ERCC4: variants seen among roughly 807,000 people sequenced by gnomAD.
The protein encoded by ERCC4 is DNA repair endonuclease XPF.
In ERCC4, 65 loss-of-function variants were observed where a neutral mutation model predicts 76.9. The ratio of observed to expected loss-of-function variants is 0.84; its 90% CI spans 0.69 to 1.04. The LOEUF (loss-of-function observed/expected upper bound fraction) is 1.04. Among genes scored for constraint, ERCC4 ranks in the 50% least tolerant of loss-of-function variants. The probability of loss-of-function intolerance (pLI) is 0.00; values close to 1 mark genes in which losing one functional copy is unlikely to be tolerated. For synonymous variants in ERCC4, 463 were observed against 410.1 expected, an observed-to-expected ratio of 1.13 and a Z score of -1.56; for missense variants, 1,214 against 1,128.2, an observed-to-expected ratio of 1.08 and a Z score of -1.09.
At chr16:13,943,068 C>T (rs1275962244) in intron 9 of ERCC4, among the ~76,000 whole-genome samples, 1 of 152,140 alleles carries the variant, frequency 6.6e-6, no homozygotes, top group Admixed American at 6.6e-5. Context: ...TTGTGATCTA[C>T]TTATAAAATT....
At chr16:13,937,294 G>A (rs1222498414) in intron 8 of ERCC4, among the ~76,000 whole-genome samples, 1 of 151,878 alleles carries the variant, frequency 6.6e-6, no homozygotes, top group Non-Finnish European at 1.5e-5. Context: ...CGTCTTCCAT[G>A]CCCATGTATT....
At chr16:13,934,757 T>C (rs1485094479) in intron 7 of ERCC4, 1 of 234,584 alleles carries the variant, frequency 4.3e-6, no homozygotes, top group Non-Finnish European at 8.4e-6. Context: ...CGGTACAAAC[T>C]GAAGACATTG....
chr16:13,936,145 G>T (rs2032287817), intron 8 of ERCC4, among the ~76,000 whole-genome samples: 1 of 152,114 alleles, frequency 6.6e-6, no homozygotes, highest in Admixed American at 6.5e-5. Flanking sequence ...TTTAAGAAAT[G>T]ACTCTAAATT....
chr16:13,933,065 A>T, intron 6 of ERCC4: 1 of 414,278 alleles, frequency 2.4e-6, no homozygotes, highest in East Asian at 7.6e-5. Flanking sequence ...AAAAAAAAAA[A>T]AACACAAAAA....
chr16:13,935,358 G>A lies in ERCC4; in HGVS notation c.1426G>A (p.Glu476Lys). 1 of 1,609,186 alleles carries A rather than the reference G, an allele frequency of 6.2e-7. No individual in the cohort carries two copies. The highest frequency in any genetic ancestry group is 8.5e-7 in the Non-Finnish European group (1 of 1,178,906). Residue 476 changes from glutamate to lysine, a missense_variant, in exon 8 of 11, where the codon GAA becomes AAA. By Grantham distance (56) the Glu-to-Lys change is moderately conservative (BLOSUM62 1). Coordinates refer to ENST00000311895, the MANE Select transcript of ERCC4 (RefSeq NM_005236.3). ...HKRPKDPQNK[E>K]RASTKERTLK... ...AAGACCTAAAGACCCCCAAAACAAA[G>A]AACGGGCTTCTACCAAAGAAAGAAC...
chr16:13,926,527 G>C, intron 2 of ERCC4, 34 bp from the exon 3 acceptor site: 1 of 1,571,604 alleles, frequency 6.4e-7, no homozygotes, highest in East Asian at 2.2e-5. Flanking sequence ...TTACCTACCT[G>C]TTCTGTAGTT....
chr16:13,949,423 G>GAA lies in ERCC4; in HGVS notation c.*1078_*1079dup, dbSNP rs1173434771. 4.3e-6 allele frequency: 1 copy of GAA among 232,950 alleles called. No individual in the cohort carries two copies. The highest frequency in any genetic ancestry group is 8.5e-6 in the Non-Finnish European group (1 of 117,972). 14.4% of individuals were successfully genotyped at this position (232,950 alleles called of 1,614,324 possible). Reference sequence around the variant, plus strand: ...TCTCTATTACAAAAAGAAAAGAAAAGAAATACAACCTAAGCTCACCTGCCT... The same window carrying GAA: ...TCTCTATTACAAAAAGAAAAGAAAAGAAAAATACAACCTAAGCTCACCTGCCT... On this transcript the variant is annotated 3_prime_UTR_variant, in exon 11 of 11. Transcript: ENST00000311895.
intron 9 of ERCC4, among the ~76,000 whole-genome samples, chr16:13,940,358 A>C (rs1312704128): frequency 6.6e-6 from 1 of 151,846 alleles, no homozygotes; most frequent in Admixed American, 6.6e-5. Context: ...ACTGCACTCC[A>C]GCCTGGGCAA....
chr16:13,942,129 T>A (rs1323935358), intron 9 of ERCC4, among the ~76,000 whole-genome samples: 1 of 152,226 alleles, frequency 6.6e-6, no homozygotes. Context: ...TAGGAAAGCT[T>A]GGTGCTTTAA....
chr16:13,949,566 A>G lies in ERCC4; in HGVS notation c.*1219A>G, dbSNP rs940456470. ...TAAGATTTGATTTTCCTGCCTTGAG[A>G]TAAAAAGGAGTGTAGGTAAATGAAA... On this transcript the variant is annotated 3_prime_UTR_variant, in exon 11 of 11. Transcript: ENST00000311895. The G allele has an allele frequency of 2.1e-5, 5 of 232,898 alleles. No individual in the cohort carries two copies. Among genetic ancestry groups the G allele is most frequent in the Non-Finnish European group, 3.4e-5 (4 of 117,900 alleles). The allele number at this position is 232,898 out of a possible 1,614,324, so 14.4% of individuals were successfully genotyped here.
chr16:13,925,635 C>T (rs2032057761), intron 2 of ERCC4, among the ~76,000 whole-genome samples: 1 of 152,154 alleles, frequency 6.6e-6, no homozygotes, highest in Admixed American at 6.5e-5. Flanking sequence ...ATTGTCCATA[C>T]CCTTCCAGAT....
Position 13,935,351 on chromosome 16 carries a change from A to G in ERCC4, c.1419A>G (p.Gln473=), listed in dbSNP as rs2032263922. 1 of 1,610,288 alleles carries G rather than the reference A, an allele frequency of 6.2e-7. No homozygotes were observed. Among genetic ancestry groups the G allele is most frequent in the Admixed American group, 1.7e-5 (1 of 59,150 alleles). The part of the protein sequence containing the change: ...RKSHKRPKDP[Q]NKERASTKER... The stretch of plus-strand genomic sequence containing the variant: ...CTCACAAAAGACCTAAAGACCCCCA[A>G]AACAAAGAACGGGCTTCTACCAAAG... The change falls in exon 8 of 11, where the codon CAA becomes CAG. Residue 473 remains glutamine (Q), a synonymous_variant. Transcript: ENST00000311895.
At chr16:13,926,169 CA>C (rs1393265815) in intron 2 of ERCC4, among the ~76,000 whole-genome samples, 1 of 152,112 alleles carries the variant, frequency 6.6e-6, no homozygotes. Context: ...CTTCCTCTGA[CA>C]TGCCAGAAAC....
chr16:13,932,680 G>T (rs1217811891), intron 6 of ERCC4: 2 of 242,964 alleles, frequency 8.2e-6, no homozygotes, highest in Non-Finnish European at 1.6e-5. Context: ...GGGAGGCCGA[G>T]GCAGGAGGAT....
chr16:13,924,813 C>G (rs1003971844), intron 2 of ERCC4, among the ~76,000 whole-genome samples: 1 of 152,006 alleles, frequency 6.6e-6, no homozygotes, highest in East Asian at 1.9e-4. Flanking sequence ...GTTGGTGTTA[C>G]GATGTTCCTG....
At position 13,948,143 on chromosome 16, in the gene ERCC4, A is replaced by G. The variant is rs2032558842; in HGVS notation, c.2547A>G (p.Gln849=). The change falls in exon 11 of 11, where the codon CAA becomes CAG. Residue 849 remains glutamine, a synonymous_variant. Coordinates refer to ENST00000311895, the MANE Select transcript of ERCC4 (RefSeq NM_005236.3). The part of the protein sequence containing the change: ...PESEKYNPGP[Q]DFLLKMPGVN... ...CAGAGAAGTATAATCCTGGTCCCCA[A>G]GACTTCTTGTTAAAAATGCCAGGGG... The G allele has an allele frequency of 5.0e-6, 8 of 1,614,076 alleles. No homozygotes were observed. The highest frequency in any genetic ancestry group is 6.8e-6 in the Non-Finnish European group (8 of 1,180,062).
In ERCC4 at chr16:13,935,137, T is replaced by C. The variant is rs199504318; in HGVS notation, c.1214-9T>C. On this transcript the variant is annotated splice_polypyrimidine_tract_variant and intron_variant, in intron 7 of 10. Coordinates refer to ENST00000311895, the MANE Select transcript of ERCC4 (RefSeq NM_005236.3). ...GTAATAGTAACATAATGTTGTTTTC[T>C]ATTTTCAGGTCAAGTACTGATTTGT... The C allele has an allele frequency of 6.2e-7, 1 of 1,601,144 alleles. No individual in the cohort carries two copies. The highest frequency in any genetic ancestry group is 2.2e-5 in the East Asian group (1 of 44,852).
At position 13,947,781 on chromosome 16, in the gene ERCC4, A is replaced by G. The variant is rs1045199370; in HGVS notation, c.2185A>G (p.Ile729Val). 2 of 1,614,258 alleles carry G rather than the reference A, an allele frequency of 1.2e-6. No individual in the cohort carries two copies. The highest frequency in any genetic ancestry group is 1.7e-6 in the Non-Finnish European group (2 of 1,180,046). The change falls in exon 11 of 11, where the codon ATC becomes GTC. Residue 729 changes from isoleucine to valine, a missense_variant. Physicochemically the swap from Ile to Val is conservative, Grantham distance 29. Transcript: ENST00000311895. ...AGAAATGTGCGTGGAGCGCAAGAGTATCAGTGATTTAATCGGCTCTTTAAA... is the reference window on the plus strand; with the variant it reads ...AGAAATGTGCGTGGAGCGCAAGAGTGTCAGTGATTTAATCGGCTCTTTAAA... Reference protein sequence around the residue: ...TPEMCVERKSISDLIGSLNNG... With the variant: ...TPEMCVERKSVSDLIGSLNNG...
At chr16:13,930,661 A>G (rs756730802) in intron 4 of ERCC4, 49 bp from the exon 5 acceptor site, 4 of 1,287,128 alleles carry the variant, frequency 3.1e-6, no homozygotes, top group Non-Finnish European at 1.1e-6. Context: ...TATTAAGAAT[A>G]ACTATACTTA....
Sources: allele counts gnomAD v4.1 joint callset (sites outside exome capture counted in the v4.1 genomes callset), GRCh38; gene constraint gnomAD v4.1.1; transcripts MANE v1.5; gene names NCBI Gene and HGNC (gene_info 2026-07-23, HGNC 2026-07-21).